The following CACNA1H variants were observed in gnomAD, a reference collection of about 807,000 sequenced individuals.
The protein encoded by CACNA1H is voltage-dependent T-type calcium channel subunit alpha-1H.
In CACNA1H, 149 loss-of-function variants were observed where a neutral mutation model predicts 192.5. The observed-to-expected ratio is 0.77, with a 90% confidence interval of 0.68 to 0.89. CACNA1H has a LOEUF of 0.89. CACNA1H is among the 40% of genes least tolerant of loss of function. The pLI is 0.00. For missense variants in CACNA1H, 4,257 were observed against 3,423.5 expected (o/e 1.24, Z -6.08); for synonymous variants, 2,202 against 1,475.2 (o/e 1.49, Z -11.29).
chr16:1,206,560 C>G, intron 12 of CACNA1H: 1 of 501,826 alleles, frequency 2.0e-6, no homozygotes, highest in East Asian at 3.5e-5. Flanking sequence ...AGCAGAATAC[C>G]GGGGGTGGGG....
At chr16:1,165,812 G>A (rs1183446813) in intron 2 of CACNA1H, among the ~76,000 whole-genome samples, 1 of 152,208 alleles carries the variant, frequency 6.6e-6, no homozygotes, top group African/African-American at 2.4e-5. Context: ...TCAGCCCATG[G>A]TTTCCTTTCT....
At chr16:1,199,566 C>T (rs1033211580) in intron 6 of CACNA1H, among the ~76,000 whole-genome samples, 1 of 151,034 alleles carries the variant, frequency 6.6e-6, no homozygotes, top group Non-Finnish European at 1.5e-5. Context: ...ACACTTCATC[C>T]CCTCCCCACA....
chr16:1,210,552 G>T (rs975496764), intron 19 of CACNA1H, 31 bp from the exon 20 acceptor site: 6 of 1,610,054 alleles, frequency 3.7e-6, no homozygotes, highest in Non-Finnish European at 4.2e-6. Flanking sequence ...GGGTGGAGTG[G>T]ACACAGCCCC....
chr16:1,220,377 C>A lies in CACNA1H; in HGVS notation c.6445C>A (p.Arg2149=). The change falls in exon 35 of 35, where the codon CGG becomes AGG. Residue 2149 remains arginine (R), a synonymous_variant. Transcript: ENST00000348261. ...TCAGGGCTTCCTGGACAAGCCGGGC[C>A]GGGCAGACGAGCAGTGGCGGCCCTC... The part of the protein sequence containing the change: ...DAQGFLDKPG[R]ADEQWRPSAE... 1 of 1,523,134 alleles carries A rather than the reference C, an allele frequency of 6.6e-7. No homozygotes were observed. The highest frequency in any genetic ancestry group is 8.7e-7 in the Non-Finnish European group (1 of 1,143,832). 94.4% of individuals were successfully genotyped at this position (1,523,134 alleles called of 1,614,324 possible).
chr16:1,211,315 C>G, intron 22 of CACNA1H, 21 bp downstream of exon 22: 1 of 1,612,534 alleles, frequency 6.2e-7, no homozygotes, highest in Non-Finnish European at 8.5e-7. Context: ...CCCACGTGCC[C>G]GGGGGTCTGC....
Position 1,218,671 on chromosome 16 carries a change from G to C in CACNA1H, c.5887+20G>C. The stretch of plus-strand genomic sequence containing the variant: ...CCTTGGGTATGGTAGCCAGCAGGAA[G>C]ATATGGGCTGGGTGGGAAGCAGGAC... On this transcript the variant is annotated intron_variant, in intron 33 of 34. Coordinates refer to ENST00000348261, the MANE Select transcript of CACNA1H (RefSeq NM_021098.3). 1 of 1,417,174 alleles carries C rather than the reference G, an allele frequency of 7.1e-7. No homozygotes were observed. Among genetic ancestry groups the C allele is most frequent in the Non-Finnish European group, 9.4e-7 (1 of 1,065,438 alleles). The allele number at this position is 1,417,174 out of a possible 1,614,324, so 87.8% of individuals were successfully genotyped here. A position where few individuals can be genotyped will look rare whatever the true frequency, so the allele number is the denominator to read the frequency against.
At chr16:1,186,159 C>T (rs1466976662) in intron 2 of CACNA1H, among the ~76,000 whole-genome samples, 11 of 144,544 alleles carry the variant, frequency 7.6e-5, no homozygotes, top group African/African-American at 2.9e-4. Context: ...AGACGGTCGG[C>T]GTGCGTAGGG....
intron 5 of CACNA1H, among the ~76,000 whole-genome samples, chr16:1,196,516 C>T (rs934958307): frequency 1.3e-5 from 2 of 152,226 alleles, no homozygotes; most frequent in African/African-American, 2.4e-5. Flanking sequence ...TCTCCCCACC[C>T]GCCACTGCTT....
chr16:1,170,628 G>A (rs1283583978), intron 2 of CACNA1H, among the ~76,000 whole-genome samples: 1 of 152,308 alleles, frequency 6.6e-6, no homozygotes. Context: ...GTGGAGCCTG[G>A]TCGGCATCCT....
At chr16:1,183,861 C>T (rs778292641) in intron 2 of CACNA1H, among the ~76,000 whole-genome samples, 8 of 152,264 alleles carry the variant, frequency 5.3e-5, no homozygotes, top group African/African-American at 9.6e-5. Flanking sequence ...AAACATCTGG[C>T]TCCAGAATTT....
chr16:1,199,944 G>A (rs1967613429), intron 6 of CACNA1H, among the ~76,000 whole-genome samples: 1 of 151,788 alleles, frequency 6.6e-6, no homozygotes, highest in African/African-American at 2.4e-5. Flanking sequence ...GCTGTTCTTT[G>A]TTGATTTCTC....
At chr16:1,215,416 A>AGGGT in intron 29 of CACNA1H, 41 bp downstream of exon 29, 1 of 729,142 alleles carries the variant, frequency 1.4e-6, no homozygotes, top group African/African-American at 2.0e-5. Flanking sequence ...CTGCGGGTGG[A>AGGGT]GGGTGGGGGC....
chr16:1,176,347 G>T (rs138840795), intron 2 of CACNA1H, among the ~76,000 whole-genome samples: 1 of 152,374 alleles, frequency 6.6e-6, no homozygotes, highest in African/African-American at 2.4e-5. Flanking sequence ...CCATCCTTGG[G>T]TCCAGCTGTG....
chr16:1,153,930 G>A lies in CACNA1H; in HGVS notation c.193G>A (p.Asp65Asn), dbSNP rs1596270983. The A allele has an allele frequency of 5.5e-6, 8 of 1,456,876 alleles. No homozygotes were observed. The South Asian group carries it at 7.8e-5, about 14-fold the overall frequency. 90.2% of individuals were successfully genotyped at this position (1,456,876 alleles called of 1,614,324 possible). The change falls in exon 2 of 35, where the codon GAC becomes AAC. Residue 65 changes from aspartate to asparagine, a missense_variant. Transcript: ENST00000348261. ...CGAGCGCGGCGCGGAGCTGGGTGCCGACGAGGAGCAGCGCGTCCCGTACCC... is the reference window on the plus strand; with the variant it reads ...CGAGCGCGGCGCGGAGCTGGGTGCCAACGAGGAGCAGCGCGTCCCGTACCC... ...AAERGAELGADEEQRVPYPAL... is the reference protein window; with the variant it reads ...AAERGAELGANEEQRVPYPAL...
intron 25 of CACNA1H, 21 bp downstream of exon 25, chr16:1,212,159 G>A (rs1050391074): frequency 2.5e-6 from 4 of 1,591,952 alleles, no homozygotes; most frequent in South Asian, 1.1e-5. Flanking sequence ...CCCGGTGGCG[G>A]TGGCGGTGGC....
chr16:1,219,369 T>G (rs980861385), intron 34 of CACNA1H, among the ~76,000 whole-genome samples: 12 of 152,174 alleles, frequency 7.9e-5, no homozygotes, highest in African/African-American at 1.7e-4. Flanking sequence ...GACCTGAGTC[T>G]TCTTGGACCC....
rs535930240 is a variant in CACNA1H at position 1,154,868 on chromosome 16, C to T, written c.299+832C>T. Among the ~76,000 whole-genome samples the T allele has an allele frequency of 3.3e-5, 5 of 152,248 alleles. No individual in the cohort carries two copies. In the South Asian group the frequency reaches 1.0e-3, roughly 32 times the overall value. On this transcript the variant is annotated intron_variant, in intron 2 of 34. Transcript: ENST00000348261. ...GCCCCCCAGCAGGTGGCCTTGGGGG[C>T]GGGTCTCCGCGTGCCCTGAGAAGGG...
At chr16:1,155,780 G>A (rs942088985) in intron 2 of CACNA1H, among the ~76,000 whole-genome samples, 2 of 152,164 alleles carry the variant, frequency 1.3e-5, no homozygotes, top group Non-Finnish European at 2.9e-5. Context: ...GGTTGTTTGC[G>A]TTGCTGTGTG....
chr16:1,204,667 G>T (rs1968436870), intron 10 of CACNA1H, among the ~76,000 whole-genome samples: 1 of 152,162 alleles, frequency 6.6e-6, no homozygotes. Context: ...CTCCTCTCTA[G>T]ACGGCAGCTG....
Sources: allele counts gnomAD v4.1 joint callset (sites outside exome capture counted in the v4.1 genomes callset), GRCh38; gene constraint gnomAD v4.1.1; transcripts MANE v1.5; gene names NCBI Gene and HGNC (gene_info 2026-07-23, HGNC 2026-07-21).